The following STX11 variants were observed in gnomAD, a reference collection of about 807,000 sequenced individuals.
STX11 encodes the protein syntaxin-11.
STX11 carries 21 observed loss-of-function variants against 19.9 expected under a neutral mutation model. The ratio of observed to expected loss-of-function variants is 1.06; its 90% CI spans 0.75 to 1.52. The LOEUF is 1.52. Among genes scored for constraint, STX11 ranks in the 40% most tolerant of loss-of-function variants. The pLI, the probability that STX11 is intolerant of heterozygous loss-of-function variation, is 0.00. For missense variants in STX11, 438 were observed against 405.9 expected (o/e 1.08, Z -0.68); for synonymous variants, 193 against 174.4 (o/e 1.11, Z -0.84).
intron 1 of STX11, among the ~76,000 whole-genome samples, chr6:144,178,595 G>A (rs1801830215): frequency 6.6e-6 from 1 of 152,230 alleles, no homozygotes; most frequent in Non-Finnish European, 1.5e-5. Flanking sequence ...CATCAAATGA[G>A]TAAAGTGATT....
rs1328941680 is a variant in STX11, at chr6:144,184,718, G to A, written c.-5-1905G>A. On this transcript the variant is annotated intron_variant, in intron 1 of 1. Coordinates refer to ENST00000367568, the MANE Select transcript of STX11 (RefSeq NM_003764.4). This position sits in a 1 kb window ranked among gnomAD's most constrained non-coding sequence, Gnocchi z 6.5. ...CAGTACCTACTCATAGAATCTGTATGAAGACTAAAGAGGGTATCACATGAA... is the reference window on the plus strand; with the variant it reads ...CAGTACCTACTCATAGAATCTGTATAAAGACTAAAGAGGGTATCACATGAA... 6.6e-6 allele frequency among the ~76,000 whole-genome samples: 1 copy of A among 152,170 alleles called. No homozygotes were observed. The highest frequency in any genetic ancestry group is 1.5e-5 in the Non-Finnish European group (1 of 68,028).
chr6:144,143,267 T>C, the STX11 span, among the ~76,000 whole-genome samples: 18,904 of 152,104 alleles, frequency 0.12, 2,301 homozygotes, highest in African/African-American at 0.31. Flanking sequence ...GGAACATTTC[T>C]GTCAGGATTG....
In STX11 at chr6:144,169,895, A is replaced by G. The variant is rs1395222485; in HGVS notation, c.-5-16728A>G. Among the ~76,000 whole-genome samples, 1 of 152,018 alleles carries G rather than the reference A, an allele frequency of 6.6e-6. No homozygotes were observed. The highest frequency in any genetic ancestry group is 1.5e-5 in the Non-Finnish European group (1 of 68,000). On this transcript the variant is annotated intron_variant, in intron 1 of 1. Transcript: ENST00000367568. This position sits in a 1 kb window ranked among gnomAD's most constrained non-coding sequence, Gnocchi z 5.2. ...GCCATAGTCTCACTATGTTGCTAGTATTGAACTCCTGGGCTCAAGTGATCC... is the reference window on the plus strand; with the variant it reads ...GCCATAGTCTCACTATGTTGCTAGTGTTGAACTCCTGGGCTCAAGTGATCC...
chr6:144,186,566 G>A, intron 1 of STX11, 57 bp from the exon 2 acceptor site: 1 of 1,611,456 alleles, frequency 6.2e-7, no homozygotes, highest in Non-Finnish European at 8.5e-7. Context: ...TCAATCCCTT[G>A]AAGGCAAATA....
At chr6:144,157,755 T>A (rs1448750423) in intron 1 of STX11, among the ~76,000 whole-genome samples, 1 of 152,116 alleles carries the variant, frequency 6.6e-6, no homozygotes, top group Non-Finnish European at 1.5e-5. Context: ...CCCAAACAGC[T>A]GTGGCTATCC....
intron 1 of STX11, among the ~76,000 whole-genome samples, chr6:144,179,880 A>T (rs1466799179): frequency 6.6e-6 from 1 of 152,224 alleles, no homozygotes; most frequent in Non-Finnish European, 1.5e-5. Flanking sequence ...TATGTCATAG[A>T]ATCTGAAAAT....
chr6:144,150,678 G>C lies in STX11; in HGVS notation c.-31G>C. 4 of 985,392 alleles carry C rather than the reference G, an allele frequency of 4.1e-6. No individual in the cohort carries two copies. The highest frequency in any genetic ancestry group is 4.8e-6 in the Non-Finnish European group (4 of 829,952). The allele number at this position is 985,392 out of a possible 1,614,324, so 61.0% of individuals were successfully genotyped here. ...CGCCCTGCCGGGAGAGGGGCTTCTC[G>C]GTTCGCACTCTCGCTCCCAGTCCAG... On this transcript the variant is annotated 5_prime_UTR_variant, in exon 1 of 2. Coordinates refer to ENST00000367568, the MANE Select transcript of STX11 (RefSeq NM_003764.4).
intron 1 of STX11, among the ~76,000 whole-genome samples, chr6:144,157,353 C>T (rs958376727): frequency 3.3e-4 from 51 of 152,336 alleles, no homozygotes; most frequent in African/African-American, 1.1e-3. Context: ...CAGCAGCTCC[C>T]TTCAGTCCAG....
rs1801044037 is a variant in STX11, at chr6:144,153,019, T to C, written c.-6+2316T>C. Among the ~76,000 whole-genome samples the C allele has an allele frequency of 6.6e-6, 1 of 152,214 alleles. No homozygotes were observed. The highest frequency in any genetic ancestry group is 1.5e-5 in the Non-Finnish European group (1 of 68,034). On this transcript the variant is annotated intron_variant, in intron 1 of 1. Transcript: ENST00000367568. The surrounding 1 kb of genome is among the most constrained non-coding windows in gnomAD (Gnocchi z 5.0). The stretch of plus-strand genomic sequence containing the variant: ...TTCAAATCAATGTTTTTTATCACAT[T>C]ATAGCCGTGTGAGCCAAAATGAATA...
At position 144,187,171 on chromosome 6, in the gene STX11, G is replaced by T. The variant is rs984594291; in HGVS notation, c.544G>T (p.Glu182Ter). ...GGGCGACCAGATCGAGGACATGTTC[G>T]AGCAGGGTAAGTGGGACGTGTTTTC... Reference protein sequence around the residue: ...VSGDQIEDMFEQGKWDVFSEN... With the variant: ...VSGDQIEDMF The change falls in exon 2 of 2, where the codon GAG becomes TAG. Residue 182 changes from glutamate (E) to a stop codon, truncating the protein, a stop_gained. Coordinates refer to ENST00000367568, the MANE Select transcript of STX11 (RefSeq NM_003764.4). LOFTEE classifies it high-confidence loss of function. The surrounding 1 kb of genome is among the most constrained non-coding windows in gnomAD (Gnocchi z 5.6). The T allele has an allele frequency of 6.2e-7, 1 of 1,614,022 alleles. No homozygotes were observed. Among genetic ancestry groups the T allele is most frequent in the Non-Finnish European group, 8.5e-7 (1 of 1,180,006 alleles).
rs1584065318 is a variant in STX11 at position 144,188,265 on chromosome 6, T to C, written c.*774T>C. 7 of 232,606 alleles carry C rather than the reference T, an allele frequency of 3.0e-5. No homozygotes were observed. In the East Asian group the frequency reaches 4.9e-4, roughly 16 times the overall value. 14.4% of individuals were successfully genotyped at this position (232,606 alleles called of 1,614,324 possible). A position where few individuals can be genotyped will look rare whatever the true frequency, so the allele number is the denominator to read the frequency against. On this transcript the variant is annotated 3_prime_UTR_variant, in exon 2 of 2. Coordinates refer to ENST00000367568, the MANE Select transcript of STX11 (RefSeq NM_003764.4). Reference sequence around the variant, plus strand: ...ATTTTTACTTGATTACATATGCACATGTATGTAAATGTAAAATACTAATAT... The same window carrying C: ...ATTTTTACTTGATTACATATGCACACGTATGTAAATGTAAAATACTAATAT...
intron 1 of STX11, among the ~76,000 whole-genome samples, chr6:144,186,062 T>C (rs1262443788): frequency 6.7e-6 from 1 of 149,742 alleles, no homozygotes; most frequent in Admixed American, 6.6e-5. Context: ...TTCTTTTTTT[T>C]TTTTTCTGTG....
rs1801874038 is a variant in STX11 at position 144,180,138 on chromosome 6, T to G, written c.-5-6485T>G. Among the ~76,000 whole-genome samples, 1 of 152,252 alleles carries G rather than the reference T, an allele frequency of 6.6e-6. No homozygotes were observed. On this transcript the variant is annotated intron_variant, in intron 1 of 1. Transcript: ENST00000367568. This position sits in a 1 kb window ranked among gnomAD's most constrained non-coding sequence, Gnocchi z 5.3. ...AATTTCTCACTACTTGTAAAAATAC[T>G]TTAACATCTTGCTGTGAAACAGGAA...
chr6:144,149,595 G>C (rs1043204433), upstream of STX11, among the ~76,000 whole-genome samples: 3 of 152,056 alleles, frequency 2.0e-5, no homozygotes, highest in African/African-American at 7.2e-5. The surrounding 1 kb of genome is among the most constrained non-coding windows in gnomAD (Gnocchi z 5.1). Flanking sequence ...TCCCACCTTA[G>C]CCTCCCGAGC....
intron 1 of STX11, among the ~76,000 whole-genome samples, chr6:144,179,463 G>A (rs539139178): frequency 6.6e-6 from 1 of 152,332 alleles, no homozygotes; most frequent in South Asian, 2.1e-4. Context: ...TTTAAGGGCT[G>A]TGTTACTATG....
At chr6:144,144,610 A>G in the STX11 span, among the ~76,000 whole-genome samples, 2 of 152,308 alleles carry the variant, frequency 1.3e-5, no homozygotes, top group South Asian at 4.1e-4. Context: ...GACACTAGTT[A>G]TCGTGGCTGT....
At position 144,160,943 on chromosome 6, in the gene STX11, A is replaced by G. The variant is rs1046921915; in HGVS notation, c.-6+10240A>G. Among the ~76,000 whole-genome samples the G allele has an allele frequency of 1.3e-5, 2 of 152,196 alleles. No individual in the cohort carries two copies. Among genetic ancestry groups the G allele is most frequent in the Non-Finnish European group, 2.9e-5 (2 of 68,042 alleles). On this transcript the variant is annotated intron_variant, in intron 1 of 1. Transcript: ENST00000367568. This position sits in a 1 kb window ranked among gnomAD's most constrained non-coding sequence, Gnocchi z 4.3. ...GCATATTCCTTGGTTTATCTCAAGT[A>G]TAACTTGATTCATGTTCTCATTTTT...
rs1440481275 is a variant in STX11, at chr6:144,151,566, T to C, written c.-6+863T>C. Among the ~76,000 whole-genome samples the C allele has an allele frequency of 1.3e-5, 2 of 152,202 alleles. No individual in the cohort carries two copies. The highest frequency in any genetic ancestry group is 2.9e-5 in the Non-Finnish European group (2 of 68,034). On this transcript the variant is annotated intron_variant, in intron 1 of 1. Coordinates refer to ENST00000367568, the MANE Select transcript of STX11 (RefSeq NM_003764.4). This position sits in a 1 kb window ranked among gnomAD's most constrained non-coding sequence, Gnocchi z 4.6. ...GGAAGTGACGATTGAGTTTTCAGTT[T>C]CCTAAGGCGCCTGATGTTACAACAT...
intron 1 of STX11, among the ~76,000 whole-genome samples, chr6:144,179,629 A>ATC (rs1403941007): frequency 1.3e-5 from 2 of 152,148 alleles, no homozygotes; most frequent in African/African-American, 2.4e-5. Context: ...GCAGGTTGTG[A>ATC]TCTCACCACA....
Sources: allele counts gnomAD v4.1 joint callset (sites outside exome capture counted in the v4.1 genomes callset), GRCh38; gene constraint gnomAD v4.1.1; non-coding constraint Gnocchi (gnomAD v3.1); transcripts MANE v1.5; gene names NCBI Gene and HGNC (gene_info 2026-07-23, HGNC 2026-07-21).